CSNK1D: variants seen among roughly 807,000 people sequenced by gnomAD.
CSNK1D encodes casein kinase 1 delta.
A neutral mutation model predicts 46.6 loss-of-function variants in CSNK1D; 16 were observed. That is an observed-to-expected ratio of 0.34 (90% CI 0.23 to 0.52). The LOEUF is 0.52. CSNK1D is among the 20% of genes least tolerant of loss of function. The pLI is 0.95. For missense variants in CSNK1D, 398 were observed against 578.4 expected, an observed-to-expected ratio of 0.69 and a Z score of 3.20; for synonymous variants, 276 against 228.2, an observed-to-expected ratio of 1.21 and a Z score of -1.89.
chr17:82,248,438 A>C lies in CSNK1D; in HGVS notation c.1197+437T>G, dbSNP rs917511294. The C allele has an allele frequency of 2.0e-6, 2 of 1,025,484 alleles. No individual in the cohort carries two copies. Among genetic ancestry groups the C allele is most frequent in the South Asian group, 3.5e-5 (1 of 28,942 alleles). 63.5% of individuals were successfully genotyped at this position (1,025,484 alleles called of 1,614,324 possible). A position where few individuals can be genotyped will look rare whatever the true frequency, so the allele number is the denominator to read the frequency against. Reference sequence around the variant, plus strand: ...TGCCACCAGGGAGGGTCTCACAAGAAGCCCGTGGAGGTCCCTACGGGCCTC... The same window carrying C: ...TGCCACCAGGGAGGGTCTCACAAGACGCCCGTGGAGGTCCCTACGGGCCTC... On this transcript the variant is annotated intron_variant, in intron 8 of 8. Transcript: ENST00000314028. The surrounding 1 kb of genome is among the most constrained non-coding windows in gnomAD (Gnocchi z 4.1).
intron 2 of CSNK1D, among the ~76,000 whole-genome samples, chr17:82,264,483 C>A (rs1000234448): frequency 6.6e-6 from 1 of 152,188 alleles, no homozygotes; most frequent in Non-Finnish European, 1.5e-5. Flanking sequence ...CCACACCTGG[C>A]CCACCGTGGA....
chr17:82,265,088 T>G (rs1293662561), intron 2 of CSNK1D, among the ~76,000 whole-genome samples: 1 of 150,766 alleles, frequency 6.6e-6, no homozygotes, highest in African/African-American at 2.4e-5. Context: ...TGTGAGCCAC[T>G]GCGTCTGGCC....
intron 8 of CSNK1D, 145 bp from the exon 9 acceptor site, chr17:82,244,976 CA>C: frequency 9.9e-7 from 1 of 1,011,326 alleles, no homozygotes; most frequent in Non-Finnish European, 1.5e-6. Flanking sequence ...CCGCCACGCA[CA>C]GGGGCCTCTG....
In CSNK1D at chr17:82,250,574, G is replaced by A. The variant is rs1444572914; in HGVS notation, c.885+805C>T. The A allele has an allele frequency of 8.5e-6, 2 of 235,036 alleles. No homozygotes were observed. Among genetic ancestry groups the A allele is most frequent in the African/African-American group, 2.3e-5 (1 of 43,428 alleles). 14.6% of individuals were successfully genotyped at this position (235,036 alleles called of 1,614,324 possible). A position where few individuals can be genotyped will look rare whatever the true frequency, so the allele number is the denominator to read the frequency against. On this transcript the variant is annotated intron_variant, in intron 6 of 8. Transcript: ENST00000314028. The surrounding 1 kb of genome is among the most constrained non-coding windows in gnomAD (Gnocchi z 4.6). The stretch of plus-strand genomic sequence containing the variant: ...CCTGCCATCTCTCCGGGGCCTCCAA[G>A]TACTCCCCACGCTGATGGGCACTTG...
chr17:82,249,069 G>C lies in CSNK1D; in HGVS notation c.1058-55C>G, dbSNP rs140660733. On this transcript the variant is annotated intron_variant, in intron 7 of 8. Transcript: ENST00000314028. The surrounding 1 kb of genome is among the most constrained non-coding windows in gnomAD (Gnocchi z 6.7). ...CGCCCCCGTCTGCTGCCTCTCACTC[G>C]GGGCTTTCTATGAGAGGCTGTGGCC... 6.5e-7 allele frequency: 1 copy of C among 1,537,090 alleles called. No homozygotes were observed.
intron 1 of CSNK1D, chr17:82,266,941 TCCCAGCTA>T (rs2051488984): frequency 6.6e-6 from 1 of 151,602 alleles, no homozygotes; most frequent in Admixed American, 6.6e-5. Flanking sequence ...GTACCTGTGG[TCCCAGCTA>T]CTTGGGAGCC....
downstream of CSNK1D, among the ~76,000 whole-genome samples, chr17:82,241,377 G>A (rs1410622990): frequency 6.6e-6 from 1 of 152,260 alleles, no homozygotes; most frequent in African/African-American, 2.4e-5. Context: ...AGTACCTGGA[G>A]GGCCTGCTCT....
chr17:82,248,322 GT>G lies in CSNK1D; in HGVS notation c.1197+552del. On this transcript the variant is annotated intron_variant, in intron 8 of 8. Transcript: ENST00000314028. The surrounding 1 kb of genome is among the most constrained non-coding windows in gnomAD (Gnocchi z 4.1). ...GCAGGATGCTGAAGAGGCGGTGGCC[GT>G]GGCTAGGCCTGGGCTGCGCAACAGG... 3 of 989,346 alleles carry G rather than the reference GT, an allele frequency of 3.0e-6. No individual in the cohort carries two copies. The highest frequency in any genetic ancestry group is 3.6e-6 in the Non-Finnish European group (3 of 832,168). 61.3% of individuals were successfully genotyped at this position (989,346 alleles called of 1,614,324 possible).
At chr17:82,246,571 C>T (rs1027886543) in intron 8 of CSNK1D, 14 of 1,029,696 alleles carry the variant, frequency 1.4e-5, no homozygotes, top group South Asian at 3.5e-5. Context: ...GAGCCCTGGC[C>T]GAACACCAAC....
rs1052603460 is a variant in CSNK1D at position 82,273,446 on chromosome 17, G to T, written c.-65C>A. On this transcript the variant is annotated 5_prime_UTR_variant, in exon 1 of 9. Transcript: ENST00000314028. This position sits in a 1 kb window ranked among gnomAD's most constrained non-coding sequence, Gnocchi z 5.1. ...TTCCTGGGTCTGAACTCTGGGAGGC[G>T]GCGCCGCTGCTGCCGCTACTGCGGG... 10 of 1,584,982 alleles carry T rather than the reference G, an allele frequency of 6.3e-6. No homozygotes were observed. In the East Asian group the frequency reaches 9.2e-5, roughly 15 times the overall value.
rs1328789104 is a variant in CSNK1D, at chr17:82,251,130, C to T, written c.885+249G>A. The T allele has an allele frequency of 2.0e-6, 1 of 505,070 alleles. No homozygotes were observed. The highest frequency in any genetic ancestry group is 1.9e-5 in the African/African-American group (1 of 51,688). The allele number at this position is 505,070 out of a possible 1,614,324, so 31.3% of individuals were successfully genotyped here. On this transcript the variant is annotated intron_variant, in intron 6 of 8. Transcript: ENST00000314028. The surrounding 1 kb of genome is among the most constrained non-coding windows in gnomAD (Gnocchi z 4.5). ...GCTTGGTGACAGGGAGGGAAGGGGC[C>T]TCCTGCTGTCCACACCCAGGAATTC... is the stretch of plus-strand genomic sequence containing the variant.
chr17:82,255,557 A>G lies in CSNK1D; in HGVS notation c.208T>C (p.Trp70Arg). Residue 70 changes from tryptophan to arginine, a missense_variant, in exon 3 of 9, where the codon TGG becomes CGG. This residue lies in a region of CSNK1D where 217 missense variants were observed against 370.3 expected (regional missense o/e 0.59). Transcript: ENST00000314028. This position sits in a 1 kb window ranked among gnomAD's most constrained non-coding sequence, Gnocchi z 5.9. ...QGGVGIPTIRWCGAEGDYNVM... is the reference protein window; with the variant it reads ...QGGVGIPTIRRCGAEGDYNVM... ...TTGTAGTCCCCCTCTGCCCCGCACCATCTGATGGTGGGGATGCCCACTAGG... is the reference window on the plus strand; with the variant it reads ...TTGTAGTCCCCCTCTGCCCCGCACCGTCTGATGGTGGGGATGCCCACTAGG... 1 of 1,614,100 alleles carries G rather than the reference A, an allele frequency of 6.2e-7. No homozygotes were observed. Among genetic ancestry groups the G allele is most frequent in the African/African-American group, 1.3e-5 (1 of 74,994 alleles).
rs182979153 is a variant in CSNK1D at position 82,246,881 on chromosome 17, G to A, written c.1197+1994C>T. 90 of 985,912 alleles carry A rather than the reference G, an allele frequency of 9.1e-5. 2 individuals are homozygous for A. In the East Asian group the frequency reaches 5.6e-3, roughly 61 times the overall value. The allele number at this position is 985,912 out of a possible 1,614,324, so 61.1% of individuals were successfully genotyped here. A position where few individuals can be genotyped will look rare whatever the true frequency, so the allele number is the denominator to read the frequency against. On this transcript the variant is annotated intron_variant, in intron 8 of 8. Transcript: ENST00000314028. Reference sequence around the variant, plus strand: ...CGGTGACTGTGTCTCCAGCTCACCCGAGCAAACAGGTGAGGCGCTCAGAGC... The same window carrying A: ...CGGTGACTGTGTCTCCAGCTCACCCAAGCAAACAGGTGAGGCGCTCAGAGC...
rs2050960079 is a variant in CSNK1D, at chr17:82,250,022, G to A, written c.886-420C>T. 8 of 1,243,094 alleles carry A rather than the reference G, an allele frequency of 6.4e-6. No homozygotes were observed. The Admixed American group carries it at 1.3e-4, about 21-fold the overall frequency. 77.0% of individuals were successfully genotyped at this position (1,243,094 alleles called of 1,614,324 possible). A position where few individuals can be genotyped will look rare whatever the true frequency, so the allele number is the denominator to read the frequency against. On this transcript the variant is annotated intron_variant, in intron 6 of 8. Coordinates refer to ENST00000314028, the MANE Select transcript of CSNK1D (RefSeq NM_001893.6). This position sits in a 1 kb window ranked among gnomAD's most constrained non-coding sequence, Gnocchi z 4.6. ...AGGAAAGCGGGGTGGGGATGAGAGC[G>A]TTTGGTCGGACGAGGAGTACACTCA... is the stretch of plus-strand genomic sequence containing the variant.
chr17:82,267,225 G>A (rs149573434), intron 1 of CSNK1D, among the ~76,000 whole-genome samples: 123 of 152,250 alleles, frequency 8.1e-4, no homozygotes, highest in Non-Finnish European at 1.5e-3. Flanking sequence ...TTAGTGACTC[G>A]GTTTCTCTTG....
intron 8 of CSNK1D, chr17:82,245,574 G>T (rs1180753584): frequency 6.9e-6 from 2 of 291,784 alleles, no homozygotes; most frequent in Admixed American, 9.6e-5. Context: ...GAGCCACCCA[G>T]CTGAGCAGGA....
At chr17:82,240,067 A>C (rs753192691), downstream of CSNK1D, 11 of 1,233,634 alleles carry the variant, frequency 8.9e-6, no homozygotes, top group Non-Finnish European at 1.1e-5. Flanking sequence ...GCTCCTCTGC[A>C]ATGAAAAGCA....
At chr17:82,259,287 T>C (rs2051264622) in intron 2 of CSNK1D, among the ~76,000 whole-genome samples, 1 of 152,272 alleles carries the variant, frequency 6.6e-6, no homozygotes, top group African/African-American at 2.4e-5. Context: ...ATTGATTTTA[T>C]ATTTTGATCT....
intron 8 of CSNK1D, chr17:82,246,208 G>A (rs939572523): frequency 1.6e-5 from 24 of 1,520,902 alleles, no homozygotes; most frequent in South Asian, 3.7e-5. Context: ...CTCTCAGGAC[G>A]GGCCTCTGGA....
Sources: gnomAD v4.1 joint callset for allele counts (sites outside exome capture counted in the v4.1 genomes callset) on GRCh38, gnomAD v4.1.1 for gene constraint, gnomAD v4.1.1 regional missense constraint, Gnocchi (gnomAD v3.1) non-coding constraint, MANE v1.5 for transcripts, NCBI Gene and HGNC (gene_info 2026-07-23, HGNC 2026-07-21) for gene names.